The following FANCL variants were observed in gnomAD, a reference collection of about 807,000 sequenced individuals.
FANCL encodes FA complementation group L.
In FANCL, 69 loss-of-function variants were observed where a neutral mutation model predicts 59.4. The observed-to-expected ratio is 1.16, with a 90% confidence interval of 0.96 to 1.42. The LOEUF is 1.42. FANCL is among the 40% of genes most tolerant of loss of function. FANCL has a pLI of 0.00. For missense variants in FANCL, 519 were observed against 447.2 expected (o/e 1.16, Z -1.45); for synonymous variants, 180 against 147.1 (o/e 1.22, Z -1.62).
intron 5 of FANCL, among the ~76,000 whole-genome samples, chr2:58,210,534 C>T (rs1210859099): frequency 6.6e-6 from 1 of 152,114 alleles, no homozygotes; most frequent in Non-Finnish European, 1.5e-5. Context: ...CCTCACATTT[C>T]AAAACCAATC....
intron 7 of FANCL, among the ~76,000 whole-genome samples, chr2:58,173,817 C>T (rs964304200): frequency 6.6e-6 from 1 of 152,070 alleles, no homozygotes; most frequent in African/African-American, 2.4e-5. Flanking sequence ...GGACTAAATG[C>T]TCCAATTAAA....
chr2:58,191,551 T>C (rs1340338754), intron 7 of FANCL, among the ~76,000 whole-genome samples: 2 of 151,902 alleles, frequency 1.3e-5, no homozygotes, highest in Admixed American at 6.6e-5. Flanking sequence ...CCTGGTGAGA[T>C]TGACCATGAT....
intron 7 of FANCL, chr2:58,194,395 A>G: frequency 2.3e-6 from 1 of 439,912 alleles, no homozygotes. Context: ...GTAAAATTCT[A>G]AAGCATTAAG....
chr2:58,174,628 C>T (rs1395487313), intron 7 of FANCL, among the ~76,000 whole-genome samples: 1 of 152,120 alleles, frequency 6.6e-6, no homozygotes, highest in African/African-American at 2.4e-5. Context: ...CTCTGGGACA[C>T]ATTCAAAGCA....
chr2:58,238,894 G>A (rs1486808021), intron 1 of FANCL, among the ~76,000 whole-genome samples: 1 of 152,072 alleles, frequency 6.6e-6, no homozygotes, highest in Non-Finnish European at 1.5e-5. Flanking sequence ...GAAATGCAAA[G>A]CCTTAAAAAC....
chr2:58,212,575 T>C (rs781384016), intron 5 of FANCL, among the ~76,000 whole-genome samples: 14 of 152,216 alleles, frequency 9.2e-5, no homozygotes, highest in Admixed American at 5.9e-4. Context: ...GCAAAAGTAT[T>C]TGGTACTTTC....
intron 2 of FANCL, 21 bp from the exon 3 acceptor site, chr2:58,229,895 A>G (rs1453209539): frequency 1.3e-6 from 2 of 1,555,812 alleles, no homozygotes; most frequent in African/African-American, 2.7e-5. Context: ...AATGAGACAA[A>G]ATGGTTTATT....
chr2:58,165,990 G>A, intron 7 of FANCL, 116 bp from the exon 8 acceptor site: 1 of 947,874 alleles, frequency 1.1e-6, no homozygotes, highest in Admixed American at 2.0e-5. Context: ...TAGCTACAAA[G>A]TAGACTCCAG....
intron 1 of FANCL, among the ~76,000 whole-genome samples, chr2:58,240,045 G>C (rs1336809849): frequency 6.7e-6 from 1 of 149,774 alleles, no homozygotes; most frequent in African/African-American, 2.5e-5. Context: ...TTTCCTAAAA[G>C]GCCTTAGCAG....
At chr2:58,181,330 A>G (rs534262204) in intron 7 of FANCL, among the ~76,000 whole-genome samples, 14 of 152,054 alleles carry the variant, frequency 9.2e-5, no homozygotes, top group Non-Finnish European at 1.8e-4. Flanking sequence ...TCTGTTTATA[A>G]TATCTGGAAT....
intron 5 of FANCL, among the ~76,000 whole-genome samples, chr2:58,214,489 A>G (rs979432081): frequency 2.6e-5 from 4 of 152,134 alleles, no homozygotes; most frequent in African/African-American, 9.6e-5. Flanking sequence ...CTTCCACTAG[A>G]TATAAGTTCC....
intron 1 of FANCL, among the ~76,000 whole-genome samples, chr2:58,238,573 C>T (rs2104018676): frequency 6.6e-6 from 1 of 152,158 alleles, no homozygotes; most frequent in East Asian, 1.9e-4. Context: ...ACACAAACTA[C>T]CAAAGCTCAC....
At chr2:58,201,065 G>GC (rs1402820064) in intron 6 of FANCL, among the ~76,000 whole-genome samples, 7 of 149,288 alleles carry the variant, frequency 4.7e-5, no homozygotes, top group African/African-American at 1.7e-4. Context: ...ATATAAACTA[G>GC]CATACTAGAT....
At chr2:58,160,745 T>A (rs924581282) in intron 12 of FANCL, among the ~76,000 whole-genome samples, 1 of 152,032 alleles carries the variant, frequency 6.6e-6, no homozygotes, top group Admixed American at 6.6e-5. Flanking sequence ...TTGACCTGTA[T>A]TTCTGTAATT....
At chr2:58,229,748 A>G in intron 3 of FANCL, 66 bp downstream of exon 3, 1 of 1,223,118 alleles carries the variant, frequency 8.2e-7, no homozygotes, top group Non-Finnish European at 1.2e-6. Flanking sequence ...GCAGGTCTTT[A>G]AAGAACAATA....
chr2:58,228,468 A>T (rs867284912), intron 3 of FANCL, among the ~76,000 whole-genome samples: 1 of 152,224 alleles, frequency 6.6e-6, no homozygotes, highest in Middle Eastern at 3.2e-3. Context: ...TCTGGAAACT[A>T]AAGTCCAGAG....
chr2:58,226,598 T>TA, intron 4 of FANCL, 130 bp downstream of exon 4: 3 of 731,550 alleles, frequency 4.1e-6, no homozygotes, highest in Non-Finnish European at 7.1e-6. Context: ...ATGTACACAG[T>TA]AAAAGAAAAC....
chr2:58,173,432 G>C (rs1469224403), intron 7 of FANCL, among the ~76,000 whole-genome samples: 1 of 152,158 alleles, frequency 6.6e-6, no homozygotes, highest in African/African-American at 2.4e-5. Flanking sequence ...ACTAACAGCT[G>C]ATCTCTCAGC....
intron 11 of FANCL, among the ~76,000 whole-genome samples, chr2:58,161,844 A>G (rs1355066108): frequency 1.3e-5 from 2 of 151,938 alleles, no homozygotes; most frequent in Admixed American, 6.6e-5. Context: ...ATACGAAATC[A>G]TCTATGTGTT....
Sources: allele counts gnomAD v4.1 joint callset (sites outside exome capture counted in the v4.1 genomes callset), GRCh38; gene constraint gnomAD v4.1.1; transcripts MANE v1.5; gene names NCBI Gene and HGNC (gene_info 2026-07-23, HGNC 2026-07-21).